CELF2: variants seen among roughly 807,000 people sequenced by gnomAD.
CELF2 encodes CUGBP Elav-like family member 2, also known as CUG triplet repeat RNA-binding protein 2.
A neutral mutation model predicts 62.6 loss-of-function variants in CELF2; 8 were observed. That is an observed-to-expected ratio of 0.13 (90% CI 0.07 to 0.23). The LOEUF is 0.23. Among genes scored for constraint, CELF2 ranks in the 10% least tolerant of loss-of-function variants. CELF2 has a pLI of 1.00. For synonymous variants in CELF2, 258 were observed against 250.0 expected (o/e 1.03, Z -0.30); for missense variants, 333 against 671.0 (o/e 0.50, Z 5.56).
intron 1 of CELF2, among the ~76,000 whole-genome samples, chr10:11,144,588 T>TA (rs570609919): frequency 0.084 from 11,903 of 141,150 alleles, 495 homozygotes; most frequent in Admixed American, 0.13. Context: ...CTGTATTATT[T>TA]AAAAAAAAAA....
chr10:11,226,708 C>G (rs978671046), intron 3 of CELF2, among the ~76,000 whole-genome samples: 1 of 151,890 alleles, frequency 6.6e-6, no homozygotes. Context: ...AGGTGGGAAG[C>G]CATGTTCCCT....
chr10:11,078,116 G>A (rs1009421521), intron 1 of CELF2, among the ~76,000 whole-genome samples: 3 of 151,960 alleles, frequency 2.0e-5, no homozygotes, highest in African/African-American at 7.3e-5. Flanking sequence ...GCTTTCCCTT[G>A]GAGGACAATT....
At chr10:10,797,085 A>C (rs1185690296), upstream of CELF2, among the ~76,000 whole-genome samples, 1 of 152,186 alleles carries the variant, frequency 6.6e-6, no homozygotes, top group Non-Finnish European at 1.5e-5. Flanking sequence ...GGGATTTACA[A>C]TGCTGGGATA....
intron 2 of CELF2, among the ~76,000 whole-genome samples, chr10:10,978,034 GTT>G (rs527485788): frequency 9.4e-4 from 114 of 121,774 alleles, no homozygotes; most frequent in African/African-American, 3.8e-3. Context: ...GTTTTTTTTT[GTT>G]TTTTGTTTTT....
the CELF2 span, among the ~76,000 whole-genome samples, chr10:10,549,560 A>G: frequency 6.6e-6 from 1 of 152,232 alleles, no homozygotes; most frequent in Non-Finnish European, 1.5e-5. Flanking sequence ...CTGGGATTAC[A>G]GGCGTGAGCC....
intron 1 of CELF2, among the ~76,000 whole-genome samples, chr10:10,916,245 A>G (rs2064308334): frequency 6.6e-6 from 1 of 152,226 alleles, no homozygotes; most frequent in Admixed American, 6.5e-5. Context: ...GCTGGTCTCA[A>G]AAATGGTGAC....
chr10:11,333,547 AAAAAT>A lies in CELF2; in HGVS notation c.*4500_*4504del, dbSNP rs2096067895. The stretch of plus-strand genomic sequence containing the variant: ...TATTATCTTAAGTGCTAATTAAAAA[AAAAAT>A]AAAATTTTAAAAAAACCTGTAGTTT... On this transcript the variant is annotated 3_prime_UTR_variant, in exon 13 of 13. Coordinates refer to ENST00000633077, the MANE Select transcript of CELF2 (RefSeq NM_001326342.2). 3.3e-5 allele frequency: 5 copies of A among 152,352 alleles called. No homozygotes were observed. Among genetic ancestry groups the A allele is most frequent in the Admixed American group, 2.0e-4 (3 of 15,280 alleles). The allele number at this position is 152,352 out of a possible 1,614,324, so 9.4% of individuals were successfully genotyped here.
chr10:10,608,577 C>A, the CELF2 span, among the ~76,000 whole-genome samples: 1 of 151,986 alleles, frequency 6.6e-6, no homozygotes, highest in African/African-American at 2.4e-5. Context: ...AGATTTAAAA[C>A]TCAATCCAGG....
the CELF2 span, among the ~76,000 whole-genome samples, chr10:10,650,349 A>G: frequency 1.2e-4 from 18 of 152,234 alleles, no homozygotes; most frequent in African/African-American, 1.4e-4. Context: ...TTTGCTCTTC[A>G]TCTTGCTTCC....
the CELF2 span, among the ~76,000 whole-genome samples, chr10:10,783,131 G>A: frequency 3.9e-5 from 6 of 152,118 alleles, no homozygotes; most frequent in South Asian, 4.2e-4. Flanking sequence ...GACTTCTTTC[G>A]GGTGGCAGAA....
the CELF2 span, among the ~76,000 whole-genome samples, chr10:10,599,031 C>T: frequency 1.3e-5 from 2 of 151,972 alleles, no homozygotes; most frequent in South Asian, 4.2e-4. Context: ...GGATTACAGA[C>T]GTGAGCCATC....
chr10:10,761,908 G>A, the CELF2 span, among the ~76,000 whole-genome samples: 1 of 31,746 alleles, frequency 3.1e-5, no homozygotes, highest in East Asian at 6.8e-4. Context: ...AATAAACCGT[G>A]TGTGTGTGTG....
chr10:11,062,235 G>C (rs2066948892), intron 1 of CELF2, among the ~76,000 whole-genome samples: 1 of 152,254 alleles, frequency 6.6e-6, no homozygotes, highest in Admixed American at 6.5e-5. Context: ...GATGTACAAA[G>C]AGATTAATGT....
At chr10:10,980,238 T>C (rs376460899) in intron 2 of CELF2, among the ~76,000 whole-genome samples, 1 of 152,256 alleles carries the variant, frequency 6.6e-6, no homozygotes, top group Non-Finnish European at 1.5e-5. Context: ...TCCGCATCTC[T>C]GCTGGTGCTC....
intron 3 of CELF2, among the ~76,000 whole-genome samples, chr10:11,232,791 GAGA>G (rs2136454488): frequency 6.6e-6 from 1 of 152,316 alleles, no homozygotes. Context: ...TCATGGATGG[GAGA>G]AGAAAAATGG....
the CELF2 span, among the ~76,000 whole-genome samples, chr10:10,602,302 C>A: frequency 6.6e-6 from 1 of 152,042 alleles, no homozygotes; most frequent in African/African-American, 2.4e-5. Flanking sequence ...ATTGCTCAGA[C>A]CCTTGCTGAC....
At chr10:11,210,747 G>A (rs1034388749) in intron 2 of CELF2, among the ~76,000 whole-genome samples, 1 of 152,126 alleles carries the variant, frequency 6.6e-6, no homozygotes, top group Non-Finnish European at 1.5e-5. Flanking sequence ...TCCTGCCTTT[G>A]GCGTTGTGAC....
intron 1 of CELF2, among the ~76,000 whole-genome samples, chr10:11,108,201 G>GC (rs201559473): frequency 0.012 from 1,832 of 146,766 alleles, 38 homozygotes; most frequent in Admixed American, 0.045. Flanking sequence ...TTTCCCCACA[G>GC]CCCCTACTCC....
At chr10:10,798,827 C>A in intron 1 of CELF2, 2 of 398,850 alleles carry the variant, frequency 5.0e-6, no homozygotes, top group Non-Finnish European at 8.8e-6. Context: ...GGTAGGCCTG[C>A]TTTGCTTTCT....
Sources: allele counts gnomAD v4.1 joint callset (sites outside exome capture counted in the v4.1 genomes callset), GRCh38; gene constraint gnomAD v4.1.1; transcripts MANE v1.5; gene names NCBI Gene and HGNC (gene_info 2026-07-23, HGNC 2026-07-21).